Variants in NRROS observed in about 807,000 individuals in gnomAD.
The protein encoded by NRROS is transforming growth factor beta activator LRRC33.
Under a neutral mutation model 12.0 loss-of-function variants are expected in NRROS, and 6 were observed. The ratio of observed to expected loss-of-function variants is 0.50; its 90% CI spans 0.27 to 0.98. The LOEUF is 0.98. Ranked by LOEUF, NRROS falls within the 50% of genes least tolerant of loss-of-function variation. The pLI is 0.11. For synonymous variants in NRROS, 462 were observed against 410.2 expected, an observed-to-expected ratio of 1.13 and a Z score of -1.53; for missense variants, 857 against 888.2, an observed-to-expected ratio of 0.96 and a Z score of 0.45.
At position 196,654,788 on chromosome 3, in the gene NRROS, G is replaced by A; in HGVS notation, c.108+141G>A. 1.6e-6 allele frequency: 1 copy of A among 607,562 alleles called. No individual in the cohort carries two copies. The highest frequency in any genetic ancestry group is 2.9e-6 in the Non-Finnish European group (1 of 343,788). The allele number at this position is 607,562 out of a possible 1,614,324, so 37.6% of individuals were successfully genotyped here. A position where few individuals can be genotyped will look rare whatever the true frequency, so the allele number is the denominator to read the frequency against. ...CACTCTGTGCCTGCCTAGCACAGGGGCATGTGCAGCTGCCCTTTAACCACA... is the reference window on the plus strand; with the variant it reads ...CACTCTGTGCCTGCCTAGCACAGGGACATGTGCAGCTGCCCTTTAACCACA... On this transcript the variant is annotated intron_variant, in intron 2 of 2. Transcript: ENST00000328557. This position sits in a 1 kb window ranked among gnomAD's most constrained non-coding sequence, Gnocchi z 4.4.
At chr3:196,642,729 G>A (rs192035344) in intron 1 of NRROS, among the ~76,000 whole-genome samples, 9 of 152,222 alleles carry the variant, frequency 5.9e-5, no homozygotes, top group East Asian at 1.9e-4. Flanking sequence ...TTGCACAGCC[G>A]CGTAAGGGTA....
chr3:196,646,543 C>A (rs1163177570), intron 1 of NRROS, among the ~76,000 whole-genome samples: 1 of 152,218 alleles, frequency 6.6e-6, no homozygotes, highest in African/African-American at 2.4e-5. Flanking sequence ...GGTGGGCTGA[C>A]CTCTGATGGC....
At chr3:196,643,552 G>A (rs1737248556) in intron 1 of NRROS, among the ~76,000 whole-genome samples, 1 of 125,070 alleles carries the variant, frequency 8.0e-6, no homozygotes, top group African/African-American at 2.6e-5. Context: ...GGACCGGGAG[G>A]GGATTTCTCC....
intron 1 of NRROS, among the ~76,000 whole-genome samples, chr3:196,645,675 C>T (rs80064395): frequency 0.084 from 12,757 of 152,112 alleles, 591 homozygotes; most frequent in African/African-American, 0.1. Flanking sequence ...GTTCTTCAAT[C>T]GTACACTTTC....
chr3:196,656,250 G>A (rs978453423), intron 2 of NRROS, among the ~76,000 whole-genome samples: 4 of 152,216 alleles, frequency 2.6e-5, no homozygotes, highest in East Asian at 3.8e-4. Context: ...AGACAAATTG[G>A]ATGTCAGGGC....
chr3:196,650,753 G>A (rs1003122980), intron 1 of NRROS, among the ~76,000 whole-genome samples: 1 of 152,158 alleles, frequency 6.6e-6, no homozygotes, highest in Non-Finnish European at 1.5e-5. Flanking sequence ...AGAAAACCAC[G>A]TTGTCTTCTC....
intron 1 of NRROS, among the ~76,000 whole-genome samples, chr3:196,640,520 C>T (rs1218748894): frequency 6.6e-6 from 1 of 152,188 alleles, no homozygotes; most frequent in Non-Finnish European, 1.5e-5. Context: ...CACTGGGGCT[C>T]TGTGACTTGG....
intron 1 of NRROS, among the ~76,000 whole-genome samples, chr3:196,641,791 A>G (rs1737214492): frequency 6.6e-6 from 1 of 152,200 alleles, no homozygotes; most frequent in Non-Finnish European, 1.5e-5. Flanking sequence ...AGTGTGCACC[A>G]GACTCTCGTA....
At chr3:196,641,908 C>T (rs1182564676) in intron 1 of NRROS, among the ~76,000 whole-genome samples, 1 of 152,202 alleles carries the variant, frequency 6.6e-6, no homozygotes, top group African/African-American at 2.4e-5. Flanking sequence ...TTTCTTAGGA[C>T]ATGCTGTGTG....
intron 1 of NRROS, among the ~76,000 whole-genome samples, chr3:196,646,729 A>T (rs1737320397): frequency 6.6e-6 from 1 of 152,148 alleles, no homozygotes. Flanking sequence ...TCCCCCCCCG[A>T]TGGAGGCAGA....
intron 1 of NRROS, among the ~76,000 whole-genome samples, chr3:196,653,164 G>T (rs1737464702): frequency 6.6e-6 from 1 of 152,158 alleles, no homozygotes; most frequent in African/African-American, 2.4e-5. Context: ...TGACTCCTGT[G>T]TGGGTGCAGA....
chr3:196,660,321 G>A lies in NRROS; in HGVS notation c.678G>A (p.Thr226=), dbSNP rs762763774. The change falls in exon 3 of 3, where the codon ACG becomes ACA. Residue 226 remains threonine (T), a synonymous_variant. Coordinates refer to ENST00000328557, the MANE Select transcript of NRROS (RefSeq NM_198565.3). This position sits in a 1 kb window ranked among gnomAD's most constrained non-coding sequence, Gnocchi z 7.7. ...NLPCIVDFGL[T]RLRVLNVSYN... is the part of the protein sequence containing the mutation. Reference sequence around the variant, plus strand: ...CCTGCATCGTGGACTTCGGGCTCACGCGGCTGCGGGTCCTCAACGTCAGCT... The same window carrying A: ...CCTGCATCGTGGACTTCGGGCTCACACGGCTGCGGGTCCTCAACGTCAGCT... The A allele has an allele frequency of 3.1e-6, 5 of 1,613,962 alleles. No homozygotes were observed. Among genetic ancestry groups the A allele is most frequent in the East Asian group, 2.2e-5 (1 of 44,878 alleles).
Position 196,658,823 on chromosome 3 carries a change from A to G in NRROS, c.109-929A>G, listed in dbSNP as rs187721396. On this transcript the variant is annotated intron_variant, in intron 2 of 2. Transcript: ENST00000328557. Reference sequence around the variant, plus strand: ...CTCTACTAAAAATACAAAAAAAGTTAGCTGGGCGTGGTGGCATGTGCCTGT... The same window carrying G: ...CTCTACTAAAAATACAAAAAAAGTTGGCTGGGCGTGGTGGCATGTGCCTGT... Among the ~76,000 whole-genome samples the G allele has an allele frequency of 3.9e-5, 6 of 152,228 alleles. No individual in the cohort carries two copies. In the East Asian group the frequency reaches 9.7e-4, roughly 25 times the overall value.
At chr3:196,652,986 G>A (rs1737458860) in intron 1 of NRROS, among the ~76,000 whole-genome samples, 1 of 152,192 alleles carries the variant, frequency 6.6e-6, no homozygotes, top group African/African-American at 2.4e-5. Context: ...GCATTGAAAT[G>A]ATGCCTTGTA....
chr3:196,642,512 C>T (rs1737228263), intron 1 of NRROS, among the ~76,000 whole-genome samples: 1 of 152,104 alleles, frequency 6.6e-6, no homozygotes, highest in Non-Finnish European at 1.5e-5. Flanking sequence ...ACTGGTTTGG[C>T]ATCTGAAACA....
chr3:196,640,532 T>C (rs1200833939), intron 1 of NRROS, among the ~76,000 whole-genome samples: 1 of 152,136 alleles, frequency 6.6e-6, no homozygotes. Context: ...GTGACTTGGA[T>C]CTTAGCCTAG....
At chr3:196,641,624 G>A (rs2108634479) in intron 1 of NRROS, among the ~76,000 whole-genome samples, 1 of 152,326 alleles carries the variant, frequency 6.6e-6, no homozygotes, top group South Asian at 2.1e-4. Context: ...ATACCTGGTA[G>A]ACTCCAAAAC....
rs776433147 is a variant in NRROS, at chr3:196,661,585, C to T, written c.1942C>T (p.Leu648=). Residue 648 remains leucine (L), a synonymous_variant, in exon 3 of 3, where the codon CTG becomes TTG. Transcript: ENST00000328557. ...PRDCKWERLD[L]GLLYLVLILP... ...GGACTGCAAGTGGGAGCGGCTGGAC[C>T]TGGGCCTGCTCTACCTCGTGCTCAT... The T allele has an allele frequency of 2.5e-6, 4 of 1,613,750 alleles. No individual in the cohort carries two copies.
At chr3:196,658,837 GCA>G (rs1403712242) in intron 2 of NRROS, among the ~76,000 whole-genome samples, 29 of 152,110 alleles carry the variant, frequency 1.9e-4, no homozygotes, top group Non-Finnish European at 3.8e-4. Context: ...GGGCGTGGTG[GCA>G]TGTGCCTGTA....
Sources: gnomAD v4.1 joint callset for allele counts (sites outside exome capture counted in the v4.1 genomes callset) on GRCh38, gnomAD v4.1.1 for gene constraint, Gnocchi (gnomAD v3.1) non-coding constraint, MANE v1.5 for transcripts, NCBI Gene and HGNC (gene_info 2026-07-23, HGNC 2026-07-21) for gene names.